TOP2A: variants seen among roughly 807,000 people sequenced by gnomAD.
The protein encoded by TOP2A is DNA topoisomerase II alpha.
In TOP2A, 68 loss-of-function variants were observed where a neutral mutation model predicts 187.2. The ratio of observed to expected loss-of-function variants is 0.36; its 90% CI spans 0.30 to 0.44. The LOEUF (loss-of-function observed/expected upper bound fraction) is 0.44, where lower values mean the gene tolerates loss of function less well. TOP2A is among the 20% of genes least tolerant of loss of function. The pLI is 1.00. For synonymous variants in TOP2A, 542 were observed against 593.2 expected, an observed-to-expected ratio of 0.91 and a Z score of 1.25; for missense variants, 1,196 against 1,808.7, an observed-to-expected ratio of 0.66 and a Z score of 6.14.
Position 40,401,012 on chromosome 17 carries a change from C to T in TOP2A, c.2502G>A (p.Gln834=). 6.2e-7 allele frequency: 1 copy of T among 1,613,930 alleles called. No individual in the cohort carries two copies. Among genetic ancestry groups the T allele is most frequent in the Non-Finnish European group, 8.5e-7 (1 of 1,179,884 alleles). ...HTLKFLYDDN[Q]RVEPEWYIPI... ...GAATGTACCATTCAGGCTCAACACG[C>T]TGGTTGTCATCATATAAAAACTTCA... The change falls in exon 21 of 35, where the codon CAG becomes CAA. Residue 834 remains glutamine (Q), a synonymous_variant. Coordinates refer to ENST00000423485, the MANE Select transcript of TOP2A (RefSeq NM_001067.4).
intron 28 of TOP2A, 24 bp from the exon 29 acceptor site, chr17:40,395,563 T>C (rs1368684739): frequency 2.0e-6 from 3 of 1,508,410 alleles, no homozygotes; most frequent in Non-Finnish European, 1.8e-6. Flanking sequence ...AAGTTAGGGT[T>C]GGATATAGAA....
At chr17:40,389,708 A>C in intron 34 of TOP2A, 61 bp from the exon 35 acceptor site, 2 of 1,548,274 alleles carry the variant, frequency 1.3e-6, no homozygotes, top group Non-Finnish European at 1.7e-6. Context: ...ATTGTAATGT[A>C]AAAAAATGTA....
intron 12 of TOP2A, 92 bp downstream of exon 12, chr17:40,407,875 A>C (rs2035267576): frequency 2.9e-6 from 4 of 1,384,600 alleles, no homozygotes; most frequent in Non-Finnish European, 3.9e-6. Context: ...TCTAAAATAT[A>C]TTTTAAAATG....
At chr17:40,402,152 G>GT (rs893328213) in intron 20 of TOP2A, among the ~76,000 whole-genome samples, 2 of 152,126 alleles carry the variant, frequency 1.3e-5, no homozygotes, top group Non-Finnish European at 2.9e-5. Flanking sequence ...GGGTGACAAG[G>GT]TTTTTAGCCT....
In TOP2A at chr17:40,411,347, C is replaced by T. The variant is rs1324744676; in HGVS notation, c.1065+7G>A. 2.5e-6 allele frequency: 4 copies of T among 1,613,594 alleles called. No homozygotes were observed. Among genetic ancestry groups the T allele is most frequent in the East Asian group, 2.2e-5 (1 of 44,830 alleles). ...TTTAGAAAAAGAAAACTGCCAAAAG[C>T]ACATACCTGATGTGCTTTTACTGCA... On this transcript the variant is annotated splice_region_variant and intron_variant, in intron 9 of 34. Coordinates refer to ENST00000423485, the MANE Select transcript of TOP2A (RefSeq NM_001067.4). The surrounding 1 kb of genome is among the most constrained non-coding windows in gnomAD (Gnocchi z 4.4).
intron 27 of TOP2A, among the ~76,000 whole-genome samples, chr17:40,397,311 A>G (rs2035113701): frequency 7.6e-6 from 1 of 131,860 alleles, no homozygotes. Flanking sequence ...TTTTAGATGG[A>G]GTCTTGCTCT....
rs1372957443 is a variant in TOP2A at position 40,407,688 on chromosome 17, A to G, written c.1501-14T>C. The G allele has an allele frequency of 6.4e-7, 1 of 1,559,982 alleles. No individual in the cohort carries two copies. Among genetic ancestry groups the G allele is most frequent in the Non-Finnish European group, 8.6e-7 (1 of 1,160,322 alleles). ...ATTTTCCATGATCTGAAATGGACAT[A>G]TACCAAAAAAAGCATCGTTTATAAA... On this transcript the variant is annotated splice_polypyrimidine_tract_variant and intron_variant, in intron 12 of 34. Coordinates refer to ENST00000423485, the MANE Select transcript of TOP2A (RefSeq NM_001067.4).
chr17:40,416,901 A>G lies in TOP2A; in HGVS notation c.22-6T>C. 6 of 1,579,970 alleles carry G rather than the reference A, an allele frequency of 3.8e-6. No homozygotes were observed. The highest frequency in any genetic ancestry group is 5.1e-6 in the Non-Finnish European group (6 of 1,167,458). On this transcript the variant is annotated splice_region_variant and splice_polypyrimidine_tract_variant and intron_variant, in intron 1 of 34. Coordinates refer to ENST00000423485, the MANE Select transcript of TOP2A (RefSeq NM_001067.4). ...TGCATATTTTCATTTACAGGCTAGC[A>G]ATTAAAAAAAAAGAGAGAAAGAAGG...
chr17:40,416,414 T>C lies in TOP2A; in HGVS notation c.268+8A>G. 1 of 1,529,792 alleles carries C rather than the reference T, an allele frequency of 6.5e-7. No homozygotes were observed. Among genetic ancestry groups the C allele is most frequent in the Non-Finnish European group, 8.9e-7 (1 of 1,119,196 alleles). 94.8% of individuals were successfully genotyped at this position (1,529,792 alleles called of 1,614,324 possible). A position where few individuals can be genotyped will look rare whatever the true frequency, so the allele number is the denominator to read the frequency against. The stretch of plus-strand genomic sequence containing the variant: ...TGACCAGATCTTTATATTAAAGGAT[T>C]TACTCACCTAGAATCTCATCAAAGA... On this transcript the variant is annotated splice_region_variant and intron_variant, in intron 3 of 34. Coordinates refer to ENST00000423485, the MANE Select transcript of TOP2A (RefSeq NM_001067.4).
At chr17:40,406,983 G>T (rs1233620578) in intron 13 of TOP2A, 41 bp from the exon 14 acceptor site, 1 of 1,468,728 alleles carries the variant, frequency 6.8e-7, no homozygotes, top group South Asian at 1.2e-5. Context: ...GAACTGTTAG[G>T]CTGGGCGTGG....
rs889385952 is a variant in TOP2A, at chr17:40,389,791, C to T, written c.4468-144G>A. The T allele has an allele frequency of 4.5e-5, 57 of 1,266,962 alleles. No individual in the cohort carries two copies. The Middle Eastern group carries it at 1.6e-3, about 36-fold the overall frequency. 78.5% of individuals were successfully genotyped at this position (1,266,962 alleles called of 1,614,324 possible). On this transcript the variant is annotated intron_variant, in intron 34 of 34. Coordinates refer to ENST00000423485, the MANE Select transcript of TOP2A (RefSeq NM_001067.4). ...GAAGCAGATCTAAGGCCAACTCTTC[C>T]ATTGCCCAAATAAGTGGCATATTTA...
chr17:40,406,614 G>A lies in TOP2A; in HGVS notation c.1813C>T (p.His605Tyr). 2 of 1,611,546 alleles carry A rather than the reference G, an allele frequency of 1.2e-6. No homozygotes were observed. Among genetic ancestry groups the A allele is most frequent in the East Asian group, 4.5e-5 (2 of 44,858 alleles). Residue 605 changes from histidine to tyrosine, a missense_variant, in exon 15 of 35, where the codon CAT (histidine) becomes TAT (tyrosine). Transcript: ENST00000423485. The part of the protein sequence containing the change: ...FEEWKSSTPN[H>Y]KKWKVKYYKG... The stretch of plus-strand genomic sequence containing the variant: ...TAATATTTGACTTTCCATTTTTTAT[G>A]ATTTGGAGTAGAACTCTTCCACTCT...
At chr17:40,405,449 C>A (rs1410069743) in intron 16 of TOP2A, among the ~76,000 whole-genome samples, 1 of 129,074 alleles carries the variant, frequency 7.7e-6, no homozygotes. Flanking sequence ...CTGCGCCCGA[C>A]CTTTTTTGTT....
At position 40,388,587 on chromosome 17, in the gene TOP2A, A is replaced by G. The variant is rs1266508673; in HGVS notation, c.*932T>C. On this transcript the variant is annotated 3_prime_UTR_variant, in exon 35 of 35. Transcript: ENST00000423485. The stretch of plus-strand genomic sequence containing the variant: ...GTTGGAATTTAGCTAATAGAAAAAC[A>G]TAGTAAATATTTACAAAAACGTTGA... 5.5e-6 allele frequency: 1 copy of G among 182,124 alleles called. No homozygotes were observed. Among genetic ancestry groups the G allele is most frequent in the Admixed American group, 6.3e-5 (1 of 15,952 alleles). 11.3% of individuals were successfully genotyped at this position (182,124 alleles called of 1,614,324 possible).
chr17:40,417,461 T>C, intron 1 of TOP2A: 2 of 1,092,314 alleles, frequency 1.8e-6, no homozygotes, highest in Non-Finnish European at 2.5e-6. Flanking sequence ...GGAAAGCATC[T>C]GTACGCGCGA....
Position 40,416,820 on chromosome 17 carries a change from T to G in TOP2A, c.97A>C (p.Ile33Leu). 1 of 1,613,132 alleles carries G rather than the reference T, an allele frequency of 6.2e-7. No individual in the cohort carries two copies. Residue 33 changes from isoleucine to leucine, a missense_variant, in exon 2 of 35, where the codon ATC becomes CTC. This residue lies in a region of TOP2A where 97 missense variants were observed against 171.0 expected (regional missense o/e 0.57). Transcript: ENST00000423485. ...DAKKRLSVER[I>L]YQKKTQLEHI... is the part of the protein sequence containing the mutation. ...TCCAATTGTGTTTTCTTTTGATAGA[T>G]TCTTTCAACAGACAGTCTTTTCTTA... is the stretch of plus-strand genomic sequence containing the variant.
rs1236909685 is a variant in TOP2A at position 40,399,875 on chromosome 17, T to G, written c.3193A>C (p.Ile1065Leu). 6.3e-7 allele frequency: 1 copy of G among 1,593,066 alleles called. No homozygotes were observed. Among genetic ancestry groups the G allele is most frequent in the Admixed American group, 1.9e-5 (1 of 53,918 alleles). Residue 1065 changes from isoleucine to leucine, a missense_variant, in exon 24 of 35, where the codon ATT (isoleucine) becomes CTT (leucine). Ile to Leu is a conservative substitution (Grantham distance 5). Transcript: ENST00000423485. The stretch of plus-strand genomic sequence containing the variant: ...AGTTATTATTCCCAAAACATACCAA[T>G]GATTATTTTGCCATCTATTTTCTCT... ...ILEKIDGKII[I>L]ENKPKKELIK...
At position 40,389,654 on chromosome 17, in the gene TOP2A, G is replaced by A. The variant is rs924461240; in HGVS notation, c.4468-7C>T. The stretch of plus-strand genomic sequence containing the variant: ...CACTCTCCCCCTTGGATTTCTAAAA[G>A]AGAAAAGCCCAGGTAACTTGCACAT... On this transcript the variant is annotated splice_region_variant and splice_polypyrimidine_tract_variant and intron_variant, in intron 34 of 34. Transcript: ENST00000423485. 2 of 1,607,086 alleles carry A rather than the reference G, an allele frequency of 1.2e-6. No individual in the cohort carries two copies. The highest frequency in any genetic ancestry group is 1.1e-5 in the South Asian group (1 of 89,152).
intron 10 of TOP2A, chr17:40,409,381 A>C (rs933925602): frequency 3.8e-5 from 16 of 420,730 alleles, no homozygotes; most frequent in Non-Finnish European, 7.4e-5. Flanking sequence ...CTCCAAAAAA[A>C]AAAATTAAAA....
Sources: allele counts gnomAD v4.1 joint callset (sites outside exome capture counted in the v4.1 genomes callset), GRCh38; gene constraint gnomAD v4.1.1; regional missense constraint gnomAD v4.1.1; non-coding constraint Gnocchi (gnomAD v3.1); transcripts MANE v1.5; gene names NCBI Gene and HGNC (gene_info 2026-07-23, HGNC 2026-07-21).